GOLGA8A: variants seen among roughly 807,000 people sequenced by gnomAD.
GOLGA8A encodes golgin subfamily A member 8A.
Under a neutral mutation model 22.1 loss-of-function variants are expected in GOLGA8A, and 3 were observed. The ratio of observed to expected loss-of-function variants is 0.14; its 90% CI spans 0.06 to 0.35. The LOEUF is 0.35. Among genes scored for constraint, GOLGA8A ranks in the 10% least tolerant of loss-of-function variants. The pLI, the probability that GOLGA8A is intolerant of heterozygous loss-of-function variation, is 1.00. For synonymous variants in GOLGA8A, 7 were observed against 91.7 expected (o/e 0.08, Z 5.28); for missense variants, 16 against 233.2 (o/e 0.07, Z 6.07).
rs537908258 is a variant in GOLGA8A, at chr15:34,421,280, T to A, written c.-1122-13545A>T. 1.4e-3 allele frequency among the ~76,000 whole-genome samples: 201 copies of A among 143,208 alleles called. 22 individuals carry two copies. The highest frequency in any genetic ancestry group is 4.9e-3 in the African/African-American group (193 of 39,272). The allele number at this position is 143,208 out of a possible 152,430, so 94.0% of individuals were successfully genotyped here. ...TCCATTAAACGACAAGAAAATCGGC[T>A]ATTGTGAGAAGAGTCACATGAAGGT... is the stretch of plus-strand genomic sequence containing the variant. On this transcript the variant is annotated intron_variant, in intron 2 of 24. Transcript: ENST00000359187.
chr15:34,437,343 G>T (rs1213750839), intron 1 of GOLGA8A, 55 bp downstream of exon 1: 1 of 141,724 alleles, frequency 7.1e-6, no homozygotes, highest in Admixed American at 7.0e-5. Flanking sequence ...GGCGCCGCGG[G>T]CGGCCCAAGG....
intron 2 of GOLGA8A, among the ~76,000 whole-genome samples, chr15:34,427,659 C>A (rs1449407910): frequency 2.8e-5 from 4 of 145,106 alleles, no homozygotes; most frequent in African/African-American, 1.0e-4. Flanking sequence ...GCCTGCCAGC[C>A]ATCGGACTCC....
rs535133066 is a variant in GOLGA8A, at chr15:34,432,445, C to T, written c.-1123+2938G>A. Among the ~76,000 whole-genome samples, 17 of 149,200 alleles carry T rather than the reference C, an allele frequency of 1.1e-4. No homozygotes were observed. In the South Asian group the frequency reaches 2.6e-3, roughly 23 times the overall value. On this transcript the variant is annotated intron_variant, in intron 2 of 24. Transcript: ENST00000359187. Reference sequence around the variant, plus strand: ...AAAGGCCAGCACTGCCCCATCACAGCCGAGTGCTCTTAGGCAACCCACAGC... The same window carrying T: ...AAAGGCCAGCACTGCCCCATCACAGTCGAGTGCTCTTAGGCAACCCACAGC...
rs562746087 is a variant in GOLGA8A at position 34,427,146 on chromosome 15, C to T, written c.-1123+8237G>A. Among the ~76,000 whole-genome samples, 8 of 147,320 alleles carry T rather than the reference C, an allele frequency of 5.4e-5. 1 individual carries two copies. The highest frequency in any genetic ancestry group is 3.4e-3 in the Middle Eastern group (1 of 292). On this transcript the variant is annotated intron_variant, in intron 2 of 24. Transcript: ENST00000359187. ...AGGAGATCAAGACCATCCTGGCTAA[C>T]ACGGTGAAACCTCGTCTGTACTAAA...
chr15:34,427,203 C>T (rs1272566477), intron 2 of GOLGA8A, among the ~76,000 whole-genome samples: 2 of 146,260 alleles, frequency 1.4e-5, no homozygotes, highest in South Asian at 2.2e-4. Flanking sequence ...TGGTGGCGGG[C>T]GCCTGTAGTC....
At chr15:34,425,298 A>T (rs549551738) in intron 2 of GOLGA8A, among the ~76,000 whole-genome samples, 1 of 147,942 alleles carries the variant, frequency 6.8e-6, no homozygotes, top group Non-Finnish European at 1.5e-5. Context: ...CAGGAGAAAC[A>T]CTCAGAACAC....
Position 34,410,330 on chromosome 15 carries a change from T to C in GOLGA8A, c.-1122-2595A>G. On this transcript the variant is annotated intron_variant, in intron 2 of 24. Transcript: ENST00000359187. Reference sequence around the variant, plus strand: ...GACCAGGAGGAGGACATCGACCAGATCGTGGCAGAGATCAAGATAAGCTTG... The same window carrying C: ...GACCAGGAGGAGGACATCGACCAGACCGTGGCAGAGATCAAGATAAGCTTG... 2 of 86,474 alleles carry C rather than the reference T, an allele frequency of 2.3e-5. 1 individual carries two copies. Among genetic ancestry groups the C allele is most frequent in the Non-Finnish European group, 3.6e-5 (2 of 55,480 alleles). 5.4% of individuals were successfully genotyped at this position (86,474 alleles called of 1,614,324 possible). A position where few individuals can be genotyped will look rare whatever the true frequency, so the allele number is the denominator to read the frequency against.
Position 34,437,437 on chromosome 15 carries a change from T to G in GOLGA8A, c.-1251A>C, listed in dbSNP as rs1352890783. On this transcript the variant is annotated 5_prime_UTR_variant, in exon 1 of 25. Transcript: ENST00000359187. The stretch of plus-strand genomic sequence containing the variant: ...GGGCTGCCCCGGTCCGCCGCCGTCC[T>G]CGCCGCGCCGCCGTCCTCGCCGCGC... 7 of 137,242 alleles carry G rather than the reference T, an allele frequency of 5.1e-5. No homozygotes were observed. The highest frequency in any genetic ancestry group is 8.0e-5 in the African/African-American group (3 of 37,416). 8.5% of individuals were successfully genotyped at this position (137,242 alleles called of 1,614,324 possible).
intron 2 of GOLGA8A, among the ~76,000 whole-genome samples, chr15:34,428,004 T>A (rs1444069634): frequency 6.7e-6 from 1 of 148,774 alleles, no homozygotes; most frequent in East Asian, 2.0e-4. Flanking sequence ...CTGATTAAAA[T>A]CATCAAGATG....
At chr15:34,404,695 G>A (rs1892157732) in intron 5 of GOLGA8A, among the ~76,000 whole-genome samples, 1 of 146,130 alleles carries the variant, frequency 6.8e-6, no homozygotes, top group Admixed American at 6.9e-5. Context: ...GATCACTGGA[G>A]CCCGGGAGAT....
intron 2 of GOLGA8A, among the ~76,000 whole-genome samples, chr15:34,427,919 G>C (rs1187379275): frequency 6.7e-6 from 1 of 148,544 alleles, no homozygotes; most frequent in Admixed American, 6.8e-5. Flanking sequence ...CCCACTGCCC[G>C]ATGTGTCATG....
chr15:34,425,988 C>T (rs1449001169), intron 2 of GOLGA8A, among the ~76,000 whole-genome samples: 1 of 145,064 alleles, frequency 6.9e-6, no homozygotes, highest in African/African-American at 2.5e-5. Context: ...GACACCGCTG[C>T]CCCACACACT....
In GOLGA8A at chr15:34,421,560, A is replaced by G. The variant is rs912908298; in HGVS notation, c.-1123+13823T>C. 1.2e-4 allele frequency among the ~76,000 whole-genome samples: 17 copies of G among 143,394 alleles called. 1 individual carries two copies. The highest frequency in any genetic ancestry group is 3.0e-5 in the Non-Finnish European group (2 of 65,576). The allele number at this position is 143,394 out of a possible 152,430, so 94.1% of individuals were successfully genotyped here. On this transcript the variant is annotated intron_variant, in intron 2 of 24. Coordinates refer to ENST00000359187, the MANE Select transcript of GOLGA8A (RefSeq NM_181077.5). The stretch of plus-strand genomic sequence containing the variant: ...ATTACTCGTTTTCAAGCAACACACA[A>G]TGATACAAGTAAGTCCTCAAGAAGA...
At chr15:34,431,973 C>T (rs1893276369) in intron 2 of GOLGA8A, among the ~76,000 whole-genome samples, 1 of 148,674 alleles carries the variant, frequency 6.7e-6, no homozygotes, top group Non-Finnish European at 1.5e-5. Flanking sequence ...ACTGAAAATC[C>T]TAAATGTCAA....
At chr15:34,428,210 C>T (rs56951248) in intron 2 of GOLGA8A, among the ~76,000 whole-genome samples, 16,029 of 146,688 alleles carry the variant, frequency 0.11, 1,833 homozygotes, top group South Asian at 0.22. Context: ...CCTCCCACCT[C>T]AGCCTCCCAA....
chr15:34,437,512 GCCGCCGTCC>G lies in GOLGA8A; in HGVS notation c.-1335_-1327del, dbSNP rs1893602624. Reference sequence around the variant, plus strand: ...CTCGCCGCGCCGCCGTCCTCGCCGCGCCGCCGTCCTCGCCGCGCCGCCGTCCTCGCCGCG... The same window carrying G: ...CTCGCCGCGCCGCCGTCCTCGCCGCGTCGCCGCGCCGCCGTCCTCGCCGCG... On this transcript the variant is annotated 5_prime_UTR_variant, in exon 1 of 25. Coordinates refer to ENST00000359187, the MANE Select transcript of GOLGA8A (RefSeq NM_181077.5). 2.0e-4 allele frequency: 7 copies of G among 35,832 alleles called. No homozygotes were observed. Among genetic ancestry groups the G allele is most frequent in the Admixed American group, 1.8e-3 (7 of 3,942 alleles). 2.2% of individuals were successfully genotyped at this position (35,832 alleles called of 1,614,324 possible).
chr15:34,431,330 T>TATAC, intron 2 of GOLGA8A, among the ~76,000 whole-genome samples: 1 of 89,234 alleles, frequency 1.1e-5, no homozygotes, highest in East Asian at 3.5e-4. Context: ...TATATATATA[T>TATAC]ATATATATAT....
At chr15:34,426,946 C>A (rs1468114351) in intron 2 of GOLGA8A, among the ~76,000 whole-genome samples, 1 of 145,376 alleles carries the variant, frequency 6.9e-6, no homozygotes, top group East Asian at 2.1e-4. Context: ...GGGAGCACTG[C>A]CCCTCAGACC....
chr15:34,385,791 TC>T lies in GOLGA8A; in HGVS notation c.286-14del. The stretch of plus-strand genomic sequence containing the variant: ...TCTTCTGTTGTTTCTGTGGGGAGAG[TC>T]AAATTAAAGTGATGGAGGGTGGCCC... On this transcript the variant is annotated splice_polypyrimidine_tract_variant and intron_variant, in intron 12 of 24. Coordinates refer to ENST00000359187, the MANE Select transcript of GOLGA8A (RefSeq NM_181077.5). The T allele has an allele frequency of 9.9e-7, 1 of 1,012,356 alleles. No homozygotes were observed. The highest frequency in any genetic ancestry group is 1.4e-5 in the South Asian group (1 of 73,876). The allele number at this position is 1,012,356 out of a possible 1,614,324, so 62.7% of individuals were successfully genotyped here.
Sources: gnomAD v4.1 joint callset for allele counts (sites outside exome capture counted in the v4.1 genomes callset) on GRCh38, gnomAD v4.1.1 for gene constraint, MANE v1.5 for transcripts, NCBI Gene and HGNC (gene_info 2026-07-23, HGNC 2026-07-21) for gene names.